Variants in APLP2 observed in about 807,000 individuals in gnomAD.
APLP2 encodes amyloid beta precursor like protein 2, also known as CDEI box-binding protein.
Under a neutral mutation model 89.9 loss-of-function variants are expected in APLP2, and 53 were observed. The observed-to-expected ratio is 0.59, with a 90% confidence interval of 0.47 to 0.74. APLP2 has a LOEUF of 0.74. Among genes scored for constraint, APLP2 ranks in the 30% least tolerant of loss-of-function variants. APLP2 has a pLI of 0.00. For missense variants in APLP2, 973 were observed against 975.9 expected (o/e 1.00, Z 0.04); for synonymous variants, 372 against 348.6 (o/e 1.07, Z -0.75).
chr11:130,127,858 G>T lies in APLP2; in HGVS notation c.1296+18G>T, dbSNP rs1448308089. 1 of 1,609,862 alleles carries T rather than the reference G, an allele frequency of 6.2e-7. No individual in the cohort carries two copies. Among genetic ancestry groups the T allele is most frequent in the South Asian group, 1.1e-5 (1 of 90,768 alleles). Reference sequence around the variant, plus strand: ...TGATTCAGGTAAGATGCCTTCTCTGGGGACATAGCTTTCAGCCTGACCATT... The same window carrying T: ...TGATTCAGGTAAGATGCCTTCTCTGTGGACATAGCTTTCAGCCTGACCATT... On this transcript the variant is annotated intron_variant, in intron 9 of 16. Coordinates refer to ENST00000338167, the MANE Select transcript of APLP2 (RefSeq NM_001142276.2).
At chr11:130,135,497 C>A in intron 12 of APLP2, 66 bp from the exon 13 acceptor site, 1 of 1,556,162 alleles carries the variant, frequency 6.4e-7, no homozygotes, top group Non-Finnish European at 8.8e-7. Flanking sequence ...AGCTCTAGAG[C>A]ATCCTGTGCC....
intron 14 of APLP2, 81 bp downstream of exon 14, chr11:130,140,564 A>C: frequency 8.4e-7 from 1 of 1,189,870 alleles, no homozygotes; most frequent in Non-Finnish European, 1.2e-6. Flanking sequence ...AGATGCTTCC[A>C]GGTGCACGTC....
intron 1 of APLP2, among the ~76,000 whole-genome samples, chr11:130,090,264 TTTTTA>T (rs1359423755): frequency 2.0e-5 from 3 of 147,750 alleles, no homozygotes; most frequent in African/African-American, 7.8e-5. Context: ...TTTTTTTTTT[TTTTTA>T]AATTTATTTT....
intron 1 of APLP2, among the ~76,000 whole-genome samples, chr11:130,074,182 G>A (rs1354461864): frequency 6.6e-6 from 1 of 152,130 alleles, no homozygotes; most frequent in Non-Finnish European, 1.5e-5. Context: ...GTTCTTTATA[G>A]CATTTGAAAA....
Position 130,123,694 on chromosome 11 carries a change from C to T in APLP2, c.1005C>T (p.Cys335=), listed in dbSNP as rs761586315. 6.8e-6 allele frequency: 11 copies of T among 1,614,254 alleles called. No homozygotes were observed. The highest frequency in any genetic ancestry group is 1.1e-5 in the South Asian group (1 of 91,088). Residue 335 remains cysteine (C), a synonymous_variant, in exon 7 of 17, where the codon TGC becomes TGT. Coordinates refer to ENST00000338167, the MANE Select transcript of APLP2 (RefSeq NM_001142276.2). This position sits in a 1 kb window ranked among gnomAD's most constrained non-coding sequence, Gnocchi z 4.0. Reference sequence around the variant, plus strand: ...ACTTCGACCTCTCCAAGGGAAAGTGCGTGCGCTTTATATATGGTGGCTGCG... The same window carrying T: ...ACTTCGACCTCTCCAAGGGAAAGTGTGTGCGCTTTATATATGGTGGCTGCG... ...RWYFDLSKGK[C]VRFIYGGCGG...
At chr11:130,137,805 G>A (rs1852090531) in intron 13 of APLP2, among the ~76,000 whole-genome samples, 1 of 152,168 alleles carries the variant, frequency 6.6e-6, no homozygotes, top group South Asian at 2.1e-4. Context: ...AACATCGGAA[G>A]CCAATGGATC....
chr11:130,099,795 T>C (rs1946663392), intron 1 of APLP2, among the ~76,000 whole-genome samples: 2 of 152,206 alleles, frequency 1.3e-5, no homozygotes. Flanking sequence ...TCTTCCCTTG[T>C]GCACCTCGGG....
Position 130,072,602 on chromosome 11 carries a change from A to G in APLP2, c.105+2520A>G, listed in dbSNP as rs558993831. 4.6e-5 allele frequency among the ~76,000 whole-genome samples: 7 copies of G among 151,020 alleles called. No individual in the cohort carries two copies. The East Asian group carries it at 1.2e-3, about 25-fold the overall frequency. ...AGCGATTCTCCTGCCTCAGACTCCC[A>G]AGTAGCTGGGATTGCAGGCGCCTGC... On this transcript the variant is annotated intron_variant, in intron 1 of 16. Transcript: ENST00000338167.
chr11:130,076,541 C>T (rs1336640691), intron 1 of APLP2, among the ~76,000 whole-genome samples: 1 of 152,132 alleles, frequency 6.6e-6, no homozygotes, highest in Non-Finnish European at 1.5e-5. Context: ...AGGCTGCCAG[C>T]ACCAGATACT....
intron 1 of APLP2, among the ~76,000 whole-genome samples, chr11:130,107,619 T>C (rs912523259): frequency 1.3e-5 from 2 of 152,144 alleles, no homozygotes; most frequent in African/African-American, 4.8e-5. Flanking sequence ...GAATCAATAT[T>C]GTGAAAATGG....
chr11:130,119,632 C>T (rs1257147051), intron 3 of APLP2, among the ~76,000 whole-genome samples: 1 of 152,190 alleles, frequency 6.6e-6, no homozygotes, highest in Non-Finnish European at 1.5e-5. Flanking sequence ...CTTTTTGGGA[C>T]AAGTTTTAGA....
At chr11:130,083,138 T>G (rs1417120880) in intron 1 of APLP2, among the ~76,000 whole-genome samples, 1 of 143,384 alleles carries the variant, frequency 7.0e-6, no homozygotes, top group Non-Finnish European at 1.5e-5. Context: ...TGGGCTCAAA[T>G]GACTCTCCCA....
chr11:130,083,385 T>TG (rs61625767), intron 1 of APLP2, among the ~76,000 whole-genome samples: 14,764 of 152,042 alleles, frequency 0.097, 1,068 homozygotes, highest in African/African-American at 0.19. Flanking sequence ...GATCTAAATT[T>TG]TAAGTGCACA....
chr11:130,142,115 G>A (rs371487512), intron 16 of APLP2, 41 bp downstream of exon 16: 21 of 1,566,052 alleles, frequency 1.3e-5, no homozygotes, highest in Middle Eastern at 1.9e-4. Context: ...TGCACTGTGG[G>A]CTGGGTTGGG....
chr11:130,078,490 C>CT (rs903019841), intron 1 of APLP2, among the ~76,000 whole-genome samples: 1 of 151,884 alleles, frequency 6.6e-6, no homozygotes, highest in Admixed American at 6.6e-5. Context: ...TTTTCTTTTT[C>CT]TTTTTTTGTT....
At chr11:130,091,792 G>C (rs1306866110) in intron 1 of APLP2, among the ~76,000 whole-genome samples, 1 of 150,226 alleles carries the variant, frequency 6.7e-6, no homozygotes, top group African/African-American at 2.5e-5. Flanking sequence ...CTCCCTCCCG[G>C]ATGGGGCGGC....
chr11:130,101,937 C>G (rs1307403999), intron 1 of APLP2: 2 of 456,254 alleles, frequency 4.4e-6, no homozygotes, highest in Non-Finnish European at 8.8e-6. Flanking sequence ...CTTCTCAGAT[C>G]TGTTGCAGTC....
At chr11:130,110,046 G>T (rs2135796058) in intron 2 of APLP2, among the ~76,000 whole-genome samples, 1 of 152,250 alleles carries the variant, frequency 6.6e-6, no homozygotes, top group East Asian at 1.9e-4. Flanking sequence ...TGCTACATTG[G>T]CCAGGGTACT....
rs983567430 is a variant in APLP2 at position 130,143,655 on chromosome 11, G to C, written c.*207G>C. ...GAAAAATGGTAATATAACAATATATGATATATAAACCTTAAATGAAAAAAA... is the reference window on the plus strand; with the variant it reads ...GAAAAATGGTAATATAACAATATATCATATATAAACCTTAAATGAAAAAAA... On this transcript the variant is annotated 3_prime_UTR_variant, in exon 17 of 17. Transcript: ENST00000338167. 1.9e-6 allele frequency: 1 copy of C among 529,302 alleles called. No homozygotes were observed. Among genetic ancestry groups the C allele is most frequent in the African/African-American group, 1.9e-5 (1 of 52,510 alleles). 32.8% of individuals were successfully genotyped at this position (529,302 alleles called of 1,614,324 possible). A position where few individuals can be genotyped will look rare whatever the true frequency, so the allele number is the denominator to read the frequency against.
Sources: gnomAD v4.1 joint callset for allele counts (sites outside exome capture counted in the v4.1 genomes callset) on GRCh38, gnomAD v4.1.1 for gene constraint, Gnocchi (gnomAD v3.1) non-coding constraint, MANE v1.5 for transcripts, NCBI Gene and HGNC (gene_info 2026-07-23, HGNC 2026-07-21) for gene names.